ADAMTSL1: variants seen among roughly 807,000 people sequenced by gnomAD.
The protein encoded by ADAMTSL1 is ADAMTS-like protein 1.
Under a neutral mutation model 201.8 loss-of-function variants are expected in ADAMTSL1, and 126 were observed. The ratio of observed to expected loss-of-function variants is 0.62; its 90% CI spans 0.54 to 0.72. The LOEUF (loss-of-function observed/expected upper bound fraction) is 0.72. Among genes scored for constraint, ADAMTSL1 ranks in the 30% least tolerant of loss-of-function variants. The probability of loss-of-function intolerance (pLI) is 0.00; values close to 1 mark genes in which losing one functional copy is unlikely to be tolerated. For missense variants in ADAMTSL1, 2,679 were observed against 2,277.8 expected (o/e 1.18, Z -3.59); for synonymous variants, 1,121 against 903.4 (o/e 1.24, Z -4.32).
chr9:18,282,188 G>A (rs1380712087), intron 2 of ADAMTSL1, among the ~76,000 whole-genome samples: 1 of 152,106 alleles, frequency 6.6e-6, no homozygotes, highest in Non-Finnish European at 1.5e-5. Context: ...TTCTGTGTTA[G>A]TTCACTTGGT....
chr9:18,189,429 A>C (rs989855689), intron 2 of ADAMTSL1, among the ~76,000 whole-genome samples: 3 of 152,176 alleles, frequency 2.0e-5, no homozygotes, highest in African/African-American at 7.2e-5. Context: ...TGTCTGTATA[A>C]GATTTTTCTC....
rs145230959 is a variant in ADAMTSL1 at position 18,291,124 on chromosome 9, C to T, written c.207+127143C>T. Among the ~76,000 whole-genome samples the T allele has an allele frequency of 3.0e-3, 444 of 146,576 alleles. 2 individuals carry two copies. Among genetic ancestry groups the T allele is most frequent in the South Asian group, 0.024 (100 of 4,182 alleles). The stretch of plus-strand genomic sequence containing the variant: ...AATTGGGTGAGAGATGAGATTTTAT[C>T]CTAAGTCATCTAGCTAGGGATATGT... On this transcript the variant is annotated intron_variant, in intron 2 of 29. Transcript: ENST00000680146.
chr9:18,865,261 A>G (rs527616542), intron 23 of ADAMTSL1, among the ~76,000 whole-genome samples: 80 of 152,090 alleles, frequency 5.3e-4, no homozygotes, highest in Middle Eastern at 3.4e-3. Context: ...TCATTGTTCA[A>G]TTCCCACCTA....
In ADAMTSL1 at chr9:18,639,270, C is replaced by T. The variant is rs1023907697; in HGVS notation, c.693C>T (p.Thr231=). The part of the protein sequence containing the change: ...GPDHLYLETK[T]LQGTKGENSL... ...ATCATATAGATCTGGAAACCAAAAC[C>T]CTCCAGGGGACTAAAGGTGAAAACA... The change falls in exon 7 of 29, where the codon ACC becomes ACT. Residue 231 remains threonine, a synonymous_variant. Coordinates refer to ENST00000380548, the MANE Select transcript of ADAMTSL1 (RefSeq NM_001040272.6). 9.9e-6 allele frequency: 16 copies of T among 1,612,592 alleles called. No individual in the cohort carries two copies. The highest frequency in any genetic ancestry group is 1.3e-5 in the Non-Finnish European group (15 of 1,179,168).
intron 21 of ADAMTSL1, among the ~76,000 whole-genome samples, chr9:18,819,595 C>G (rs762338671): frequency 2.6e-5 from 4 of 152,172 alleles, no homozygotes; most frequent in Admixed American, 6.5e-5. Context: ...TTTGGCCACT[C>G]TATTGTGCCG....
intron 1 of ADAMTSL1, among the ~76,000 whole-genome samples, chr9:18,025,089 C>T (rs546844893): frequency 1.3e-5 from 2 of 151,982 alleles, no homozygotes; most frequent in African/African-American, 2.4e-5. Context: ...TGTTCATTTC[C>T]TTCGCCTACT....
chr9:18,539,398 G>C (rs984131259), intron 3 of ADAMTSL1, among the ~76,000 whole-genome samples: 2 of 152,184 alleles, frequency 1.3e-5, no homozygotes, highest in Non-Finnish European at 2.9e-5. Flanking sequence ...AGTCATGGAA[G>C]GACCATGTCT....
chr9:18,307,596 G>A (rs1587517917), intron 2 of ADAMTSL1, among the ~76,000 whole-genome samples: 6 of 152,216 alleles, frequency 3.9e-5, no homozygotes, highest in Admixed American at 3.9e-4. Context: ...AAAAGGCTAA[G>A]AAAGGCATTA....
intron 20 of ADAMTSL1, among the ~76,000 whole-genome samples, chr9:18,815,899 G>A (rs1476400326): frequency 9.2e-5 from 14 of 151,896 alleles, no homozygotes; most frequent in Non-Finnish European, 5.9e-5. Flanking sequence ...ATATTTATGG[G>A]GAACAGTGTG....
At chr9:18,157,761 T>G (rs939357997) in intron 1 of ADAMTSL1, among the ~76,000 whole-genome samples, 1 of 152,028 alleles carries the variant, frequency 6.6e-6, no homozygotes, top group Non-Finnish European at 1.5e-5. Context: ...TTAAATATGG[T>G]TATAAGAATG....
intron 25 of ADAMTSL1, chr9:18,890,669 C>T: frequency 2.2e-6 from 1 of 452,674 alleles, no homozygotes; most frequent in East Asian, 7.0e-5. Context: ...TGATTAATGT[C>T]CTTTTATACC....
At chr9:18,214,936 T>C (rs572225812) in intron 2 of ADAMTSL1, among the ~76,000 whole-genome samples, 1 of 152,258 alleles carries the variant, frequency 6.6e-6, no homozygotes, top group African/African-American at 2.4e-5. Context: ...CAGGCAGTAG[T>C]CTTTATTGAA....
At chr9:18,676,948 G>A (rs1830165270) in intron 10 of ADAMTSL1, among the ~76,000 whole-genome samples, 3 of 151,960 alleles carry the variant, frequency 2.0e-5, no homozygotes, top group Admixed American at 1.3e-4. Context: ...ATTTCTTCCC[G>A]AACAATCACA....
chr9:17,946,921 T>C (rs1827510748), intron 1 of ADAMTSL1, among the ~76,000 whole-genome samples: 3 of 152,098 alleles, frequency 2.0e-5, no homozygotes, highest in African/African-American at 7.2e-5. Flanking sequence ...ATAAATTCAG[T>C]GGATTTGTGT....
chr9:18,545,074 T>C (rs1031017112), intron 3 of ADAMTSL1, among the ~76,000 whole-genome samples: 1 of 152,194 alleles, frequency 6.6e-6, no homozygotes, highest in African/African-American at 2.4e-5. Flanking sequence ...ACTGATTACA[T>C]ACCTCAGAGA....
chr9:18,393,332 T>C (rs1006991612), intron 2 of ADAMTSL1, among the ~76,000 whole-genome samples: 1 of 152,176 alleles, frequency 6.6e-6, no homozygotes. Context: ...TCCTCAAATG[T>C]TCAGGAGAGT....
intron 15 of ADAMTSL1, among the ~76,000 whole-genome samples, chr9:18,735,068 CCT>C (rs1818427282): frequency 6.6e-6 from 1 of 152,190 alleles, no homozygotes; most frequent in African/African-American, 2.4e-5. Context: ...GAACTTGAAG[CCT>C]CACAATTTAT....
chr9:18,094,807 C>A (rs946399806), intron 1 of ADAMTSL1, among the ~76,000 whole-genome samples: 6 of 151,280 alleles, frequency 4.0e-5, no homozygotes, highest in Admixed American at 2.0e-4. Flanking sequence ...ACCTCCTGAT[C>A]TGCCCGCCTC....
At chr9:18,270,243 C>A (rs1832302792) in intron 2 of ADAMTSL1, among the ~76,000 whole-genome samples, 1 of 152,120 alleles carries the variant, frequency 6.6e-6, no homozygotes, top group African/African-American at 2.4e-5. Context: ...AGTTAGTACT[C>A]TGGGGTACCT....
Sources: gnomAD v4.1 joint callset for allele counts (sites outside exome capture counted in the v4.1 genomes callset) on GRCh38, gnomAD v4.1.1 for gene constraint, MANE v1.5 for transcripts, NCBI Gene and HGNC (gene_info 2026-07-23, HGNC 2026-07-21) for gene names.